Variants in CRYM observed in about 807,000 individuals in gnomAD.
CRYM encodes crystallin mu.
A neutral mutation model predicts 32.9 loss-of-function variants in CRYM; 18 were observed. The observed-to-expected ratio is 0.55, with a 90% confidence interval of 0.38 to 0.81. CRYM has a LOEUF of 0.81. CRYM is among the 30% of genes least tolerant of loss of function. The pLI is 0.00. For synonymous variants in CRYM, 153 were observed against 152.4 expected, an observed-to-expected ratio of 1.00 and a Z score of -0.03; for missense variants, 337 against 393.5, an observed-to-expected ratio of 0.86 and a Z score of 1.21.
intron 1 of CRYM, among the ~76,000 whole-genome samples, chr16:21,291,654 A>G (rs530457384): frequency 2.3e-4 from 35 of 152,106 alleles, no homozygotes; most frequent in African/African-American, 7.7e-4. Flanking sequence ...AAAATTTAAC[A>G]CCCTTTTATG....
chr16:21,280,892 G>T (rs998461744), upstream of CRYM, among the ~76,000 whole-genome samples: 1 of 152,108 alleles, frequency 6.6e-6, no homozygotes, highest in African/African-American at 2.4e-5. Flanking sequence ...ATCATGTGAG[G>T]TCAGGAGTTT....
At chr16:21,259,351 GC>G (rs1003000515) in intron 7 of CRYM, among the ~76,000 whole-genome samples, 2 of 151,218 alleles carry the variant, frequency 1.3e-5, no homozygotes, top group Non-Finnish European at 2.9e-5. Context: ...CAGGCGATCC[GC>G]CCACCTCGGC....
chr16:21,294,819 C>T (rs1405419156), intron 1 of CRYM, among the ~76,000 whole-genome samples: 1 of 151,742 alleles, frequency 6.6e-6, no homozygotes, highest in East Asian at 1.9e-4. Context: ...CTCAGCCTCC[C>T]AAGTAGCTGG....
Position 21,278,284 on chromosome 16 carries a change from G to C in CRYM, c.-33C>G, listed in dbSNP as rs368638255. 25 of 1,565,978 alleles carry C rather than the reference G, an allele frequency of 1.6e-5. No individual in the cohort carries two copies. The highest frequency in any genetic ancestry group is 5.4e-5 in the Admixed American group (3 of 55,102). On this transcript the variant is annotated 5_prime_UTR_variant, in exon 1 of 8. Transcript: ENST00000572914. The stretch of plus-strand genomic sequence containing the variant: ...CCTGTGCCTTCTAACCTCAGTCTCC[G>C]CACCGCGATCCACGTACCCTCGGCT...
At chr16:21,299,633 G>A (rs2152866065) in intron 1 of CRYM, among the ~76,000 whole-genome samples, 1 of 152,310 alleles carries the variant, frequency 6.6e-6, no homozygotes, top group African/African-American at 2.4e-5. Context: ...AGAAGGCTCA[G>A]GTGTTTTACA....
At chr16:21,283,814 TG>T (rs1211578837) in intron 1 of CRYM, 1 of 152,244 alleles carries the variant, frequency 6.6e-6, no homozygotes, top group African/African-American at 2.4e-5. Flanking sequence ...CCCCACCTCC[TG>T]GTGTGCCTCT....
chr16:21,301,613 G>A (rs1960936755), intron 1 of CRYM, among the ~76,000 whole-genome samples: 1 of 152,240 alleles, frequency 6.6e-6, no homozygotes, highest in Admixed American at 6.5e-5. Flanking sequence ...ACGTGCGGAA[G>A]AGGGACTGAG....
intron 3 of CRYM, 110 bp downstream of exon 3, chr16:21,275,422 C>T (rs1057469889): frequency 2.1e-6 from 2 of 933,332 alleles, no homozygotes; most frequent in Non-Finnish European, 3.5e-6. Context: ...CAGCTATGTC[C>T]AACAGGAAAC....
chr16:21,289,673 G>A (rs966631000), intron 1 of CRYM, among the ~76,000 whole-genome samples: 1 of 152,014 alleles, frequency 6.6e-6, no homozygotes, highest in Non-Finnish European at 1.5e-5. Context: ...CCTCACTCAG[G>A]TGACACCCTC....
At position 21,275,531 on chromosome 16, in the gene CRYM, C is replaced by T; in HGVS notation, c.387+1G>A. ...ATGGTACAGCCAGCCATTCATCTTA[C>T]CTTGGTGGCAATGGCAGAAACTGCA... On this transcript the variant is annotated splice_donor_variant, in intron 3 of 7. Coordinates refer to ENST00000572914, the MANE Select transcript of CRYM (RefSeq NM_001376256.1). LOFTEE classifies it high-confidence loss of function. 6.2e-7 allele frequency: 1 copy of T among 1,613,546 alleles called. No individual in the cohort carries two copies. The highest frequency in any genetic ancestry group is 8.5e-7 in the Non-Finnish European group (1 of 1,179,488).
chr16:21,301,742 C>T (rs962153994), intron 1 of CRYM, among the ~76,000 whole-genome samples: 2 of 152,230 alleles, frequency 1.3e-5, no homozygotes, highest in Non-Finnish European at 2.9e-5. Context: ...GTGCAGCCAG[C>T]TCCCGGCCGG....
intron 1 of CRYM, among the ~76,000 whole-genome samples, chr16:21,288,588 C>T (rs1346590990): frequency 2.0e-5 from 3 of 152,026 alleles, no homozygotes; most frequent in Non-Finnish European, 4.4e-5. Flanking sequence ...TTTTCCCTGG[C>T]CTGTTGTTTT....
intron 7 of CRYM, 41 bp from the exon 8 acceptor site, chr16:21,258,886 A>G (rs1240117653): frequency 6.3e-7 from 1 of 1,584,230 alleles, no homozygotes; most frequent in Non-Finnish European, 8.7e-7. Context: ...GGTCAAAACA[A>G]CTTTTCTTGA....
At chr16:21,270,251 A>T (rs1459946575) in intron 3 of CRYM, among the ~76,000 whole-genome samples, 1 of 150,474 alleles carries the variant, frequency 6.6e-6, no homozygotes, top group East Asian at 1.9e-4. Flanking sequence ...ACTACTTTTT[A>T]AAATTATTTA....
intron 1 of CRYM, chr16:21,299,829 A>G (rs1222020180): frequency 6.6e-6 from 1 of 152,208 alleles, no homozygotes; most frequent in Non-Finnish European, 1.5e-5. Context: ...TCAAGTATAT[A>G]GTTAAGTAAA....
At chr16:21,271,361 T>C (rs2093375102) in intron 3 of CRYM, among the ~76,000 whole-genome samples, 1 of 152,212 alleles carries the variant, frequency 6.6e-6, no homozygotes, top group African/African-American at 2.4e-5. Context: ...TCTTCTGCCT[T>C]TTCTCTATTC....
At chr16:21,282,954 T>C (rs2093400728), upstream of CRYM, among the ~76,000 whole-genome samples, 1 of 151,956 alleles carries the variant, frequency 6.6e-6, no homozygotes. Context: ...ATTATTATTA[T>C]AATTATGACT....
In CRYM at chr16:21,267,608, C is replaced by A; in HGVS notation, c.619G>T (p.Ala207Ser). ...TCACCAAACAAAATGGGCTCTGTTG[C>A]CAGGGTGACTGTGATGATCACATCT... ...GADVIITVTL[A>S]TEPILFGEWV... The change falls in exon 5 of 8, where the codon GCA (alanine) becomes TCA (serine). Residue 207 changes from alanine to serine, a missense_variant. Physicochemically the swap from Ala to Ser is moderately conservative, Grantham distance 99. Transcript: ENST00000572914. 2 of 1,614,154 alleles carry A rather than the reference C, an allele frequency of 1.2e-6. No homozygotes were observed. Among genetic ancestry groups the A allele is most frequent in the Non-Finnish European group, 1.7e-6 (2 of 1,180,012 alleles).
chr16:21,265,645 C>T (rs1410936867), intron 5 of CRYM, among the ~76,000 whole-genome samples: 2 of 152,214 alleles, frequency 1.3e-5, no homozygotes, highest in Non-Finnish European at 2.9e-5. Flanking sequence ...GTGCCTGGCA[C>T]ACGGTAGAGA....
Sources: gnomAD v4.1 joint callset for allele counts (sites outside exome capture counted in the v4.1 genomes callset) on GRCh38, gnomAD v4.1.1 for gene constraint, MANE v1.5 for transcripts, NCBI Gene and HGNC (gene_info 2026-07-23, HGNC 2026-07-21) for gene names.